The following BRINP2 variants were observed in gnomAD, a reference collection of about 807,000 sequenced individuals.
BRINP2 encodes the protein BMP/retinoic acid-inducible neural-specific protein 2.
In BRINP2, 21 loss-of-function variants were observed where a neutral mutation model predicts 69.2. That is an observed-to-expected ratio of 0.30 (90% confidence interval 0.22 to 0.44). BRINP2 has a LOEUF of 0.44. BRINP2 is among the 20% of genes least tolerant of loss of function. The pLI, the probability that BRINP2 is intolerant of heterozygous loss-of-function variation, is 1.00. For synonymous variants in BRINP2, 380 were observed against 394.1 expected (o/e 0.96, Z 0.42); for missense variants, 877 against 986.0 (o/e 0.89, Z 1.48).
chr1:177,217,640 T>G (rs1157512842), intron 1 of BRINP2, among the ~76,000 whole-genome samples: 1 of 152,150 alleles, frequency 6.6e-6, no homozygotes, highest in East Asian at 1.9e-4. Flanking sequence ...ACAAGTTTGT[T>G]TTTTTGGCAG....
intron 1 of BRINP2, among the ~76,000 whole-genome samples, chr1:177,217,143 G>T (rs1251430622): frequency 6.6e-6 from 1 of 151,418 alleles, no homozygotes; most frequent in Non-Finnish European, 1.5e-5. Context: ...ATGATGCATA[G>T]GTTAGGTTTC....
At chr1:177,242,806 G>A (rs1650248917) in intron 2 of BRINP2, among the ~76,000 whole-genome samples, 1 of 152,188 alleles carries the variant, frequency 6.6e-6, no homozygotes, top group Non-Finnish European at 1.5e-5. Flanking sequence ...AAACCATTCA[G>A]TAGGAGTAGG....
At position 177,279,879 on chromosome 1, in the gene BRINP2, G is replaced by A. The variant is rs189786641; in HGVS notation, c.1236-533G>A. 1.2e-3 allele frequency among the ~76,000 whole-genome samples: 177 copies of A among 152,184 alleles called. 1 individual carries two copies. The highest frequency in any genetic ancestry group is 3.1e-3 in the Admixed American group (48 of 15,288). ...GGAGAATGAGTGTGGTGGTTCTTTC[G>A]GCAGGGACATCAGGAAAGACTTCTT... On this transcript the variant is annotated intron_variant, in intron 7 of 7. Coordinates refer to ENST00000361539, the MANE Select transcript of BRINP2 (RefSeq NM_021165.4).
intron 1 of BRINP2, among the ~76,000 whole-genome samples, chr1:177,193,019 G>C (rs1006345878): frequency 6.6e-6 from 1 of 152,168 alleles, no homozygotes; most frequent in Non-Finnish European, 1.5e-5. Flanking sequence ...CCTCACAATA[G>C]CAAACCACTA....
chr1:177,230,962 C>T (rs535419538), intron 2 of BRINP2, among the ~76,000 whole-genome samples: 8 of 152,158 alleles, frequency 5.3e-5, no homozygotes, highest in African/African-American at 1.7e-4. Flanking sequence ...TTTCTTTGTT[C>T]AAAGATACTT....
At position 177,176,407 on chromosome 1, in the gene BRINP2, C is replaced by T. The variant is rs527880431; in HGVS notation, c.-77+4675C>T. On this transcript the variant is annotated intron_variant, in intron 1 of 7. Coordinates refer to ENST00000361539, the MANE Select transcript of BRINP2 (RefSeq NM_021165.4). The stretch of plus-strand genomic sequence containing the variant: ...CATTACATGTTAAAAAGATAATATT[C>T]TGAATACATTGAGTTAAATCAAATA... 3.3e-3 allele frequency among the ~76,000 whole-genome samples: 498 copies of T among 152,066 alleles called. 3 individuals are homozygous for T. The highest frequency in any genetic ancestry group is 0.011 in the African/African-American group (475 of 41,510).
chr1:177,196,490 T>C (rs894208724), intron 1 of BRINP2, among the ~76,000 whole-genome samples: 5 of 152,062 alleles, frequency 3.3e-5, no homozygotes, highest in African/African-American at 1.2e-4. Context: ...TGGTGGTGCA[T>C]GCCTGTAATC....
intron 2 of BRINP2, among the ~76,000 whole-genome samples, chr1:177,247,969 C>A (rs906527530): frequency 2.0e-5 from 3 of 151,974 alleles, no homozygotes; most frequent in Admixed American, 1.3e-4. Flanking sequence ...TGGAGGGGGG[C>A]GGATAGAGCT....
At position 177,257,394 on chromosome 1, in the gene BRINP2, TGA is replaced by T; in HGVS notation, c.669+14_669+15del. On this transcript the variant is annotated intron_variant, in intron 4 of 7. Transcript: ENST00000361539. Reference sequence around the variant, plus strand: ...CACGGGGGCCATCAAGGTAATGACCTGAGAGGTACAGGGAAGGGGATGGGGGA... The same window carrying T: ...CACGGGGGCCATCAAGGTAATGACCTGAGGTACAGGGAAGGGGATGGGGGA... 1 of 1,599,404 alleles carries T rather than the reference TGA, an allele frequency of 6.3e-7. No individual in the cohort carries two copies. Among genetic ancestry groups the T allele is most frequent in the Non-Finnish European group, 8.5e-7 (1 of 1,170,948 alleles).
intron 1 of BRINP2, among the ~76,000 whole-genome samples, chr1:177,189,872 A>C (rs961775361): frequency 1.3e-5 from 2 of 152,138 alleles, no homozygotes; most frequent in Non-Finnish European, 2.9e-5. Context: ...ATAATTTAAA[A>C]TTGGCTTGCA....
At chr1:177,223,872 G>T (rs1649616166) in intron 1 of BRINP2, among the ~76,000 whole-genome samples, 1 of 152,096 alleles carries the variant, frequency 6.6e-6, no homozygotes, top group Non-Finnish European at 1.5e-5. Context: ...GGAGCCTGGG[G>T]AGGGCAGTGA....
chr1:177,186,642 C>A (rs1048525048), intron 1 of BRINP2, among the ~76,000 whole-genome samples: 3 of 152,070 alleles, frequency 2.0e-5, no homozygotes, highest in African/African-American at 7.2e-5. Flanking sequence ...AAACTCTTGG[C>A]TTCCAGATCC....
chr1:177,275,574 A>G (rs1651463998), intron 5 of BRINP2, among the ~76,000 whole-genome samples: 2 of 152,304 alleles, frequency 1.3e-5, no homozygotes, highest in East Asian at 1.9e-4. Context: ...AAAAACCTCA[A>G]TATGAGCACA....
At chr1:177,193,843 G>A (rs996889489) in intron 1 of BRINP2, among the ~76,000 whole-genome samples, 3 of 152,172 alleles carry the variant, frequency 2.0e-5, no homozygotes, top group African/African-American at 7.2e-5. Flanking sequence ...TTGGTGTTAG[G>A]AGGAGACCCA....
In BRINP2 at chr1:177,211,440, G is replaced by A. The variant is rs115552901; in HGVS notation, c.-76-18361G>A. ...TCTAGTTCAGGATTGTACATTGCAC[G>A]TACTTGTCATGCCTCTTCAGTGTCC... On this transcript the variant is annotated intron_variant, in intron 1 of 7. Coordinates refer to ENST00000361539, the MANE Select transcript of BRINP2 (RefSeq NM_021165.4). Among the ~76,000 whole-genome samples the A allele has an allele frequency of 4.2e-3, 637 of 152,242 alleles. 1 individual carries two copies. The highest frequency in any genetic ancestry group is 6.8e-3 in the Admixed American group (104 of 15,296).
At chr1:177,179,105 T>C (rs1344053900) in intron 1 of BRINP2, among the ~76,000 whole-genome samples, 1 of 152,062 alleles carries the variant, frequency 6.6e-6, no homozygotes, top group African/African-American at 2.4e-5. Context: ...TCTAATCAAG[T>C]TTAGACCCCG....
At chr1:177,239,084 T>A (rs187942025) in intron 2 of BRINP2, among the ~76,000 whole-genome samples, 64 of 152,354 alleles carry the variant, frequency 4.2e-4, no homozygotes, top group African/African-American at 1.5e-3. Context: ...TACTTAATGC[T>A]CTGAGAGAAA....
Position 177,230,013 on chromosome 1 carries a change from A to G in BRINP2, c.137A>G (p.His46Arg). 1.2e-6 allele frequency: 2 copies of G among 1,613,664 alleles called. No individual in the cohort carries two copies. The highest frequency in any genetic ancestry group is 4.5e-5 in the East Asian group (2 of 44,856). ...GCGGCTGCTGTGGTCCCCGAGCAGC[A>G]TGCCTCCGTAGCTGGCCAGCATCCC... ...ATAAAVVPEQ[H>R]ASVAGQHPLD... The change falls in exon 2 of 8, where the codon CAT becomes CGT. Residue 46 changes from histidine to arginine, a missense_variant. Physicochemically the swap from His to Arg is conservative, Grantham distance 29. Around this residue, in one of 3 missense-constraint regions of BRINP2, gnomAD observed 566 missense variants for 625.2 expected, o/e 0.91. Transcript: ENST00000361539.
intron 4 of BRINP2, among the ~76,000 whole-genome samples, chr1:177,269,683 G>A (rs966946441): frequency 6.6e-6 from 1 of 152,176 alleles, no homozygotes; most frequent in African/African-American, 2.4e-5. Flanking sequence ...ATTTCACTCT[G>A]CTCTTAGTTT....
Sources: allele counts gnomAD v4.1 joint callset (sites outside exome capture counted in the v4.1 genomes callset), GRCh38; gene constraint gnomAD v4.1.1; regional missense constraint gnomAD v4.1.1; transcripts MANE v1.5; gene names NCBI Gene and HGNC (gene_info 2026-07-23, HGNC 2026-07-21).